The following ATG9A variants were observed in gnomAD, a reference collection of about 807,000 sequenced individuals.
The protein encoded by ATG9A is autophagy related 9A.
In ATG9A, 21 loss-of-function variants were observed where a neutral mutation model predicts 87.1. The observed-to-expected ratio is 0.24, with a 90% CI of 0.17 to 0.35. The LOEUF is 0.35. Among genes scored for constraint, ATG9A ranks in the 10% least tolerant of loss-of-function variants. The pLI, the probability that ATG9A is intolerant of heterozygous loss-of-function variation, is 1.00. For synonymous variants in ATG9A, 422 were observed against 441.3 expected (o/e 0.96, Z 0.55); for missense variants, 836 against 1,107.3 (o/e 0.76, Z 3.48).
chr2:219,220,938 G>A (rs369823219), intron 14 of ATG9A, 46 bp from the exon 15 acceptor site: 156 of 1,610,416 alleles, frequency 9.7e-5, no homozygotes, highest in Non-Finnish European at 1.3e-4. Context: ...AGGAACACAA[G>A]AATGAGGAAC....
At chr2:219,228,261 T>C (rs949902922) in intron 2 of ATG9A, among the ~76,000 whole-genome samples, 173 bp downstream of exon 2, 3 of 152,210 alleles carry the variant, frequency 2.0e-5, no homozygotes, top group South Asian at 2.1e-4. Context: ...TGTCTACTGC[T>C]GCTTTCCTGG....
In ATG9A at chr2:219,220,462, G is replaced by T; in HGVS notation, c.2515-10C>A. 6.2e-7 allele frequency: 1 copy of T among 1,613,800 alleles called. No individual in the cohort carries two copies. The highest frequency in any genetic ancestry group is 1.3e-5 in the African/African-American group (1 of 75,028). On this transcript the variant is annotated splice_polypyrimidine_tract_variant and intron_variant, in intron 15 of 15. Coordinates refer to ENST00000361242, the MANE Select transcript of ATG9A (RefSeq NM_001077198.3). ...TCAGCCTTGTCTATACCTGTGGGGAGAAAGGGTTGGTAATGGAGATAGTCT... is the reference window on the plus strand; with the variant it reads ...TCAGCCTTGTCTATACCTGTGGGGATAAAGGGTTGGTAATGGAGATAGTCT...
chr2:219,219,628 C>T lies in ATG9A; in HGVS notation c.*819G>A, dbSNP rs6436126. ...GGGCCAGAGCTCTTTTGCTGGGACG[C>T]ACACAGCCAAGGTCACCCTCCAGCC... is the stretch of plus-strand genomic sequence containing the variant. On this transcript the variant is annotated 3_prime_UTR_variant, in exon 16 of 16. Coordinates refer to ENST00000361242, the MANE Select transcript of ATG9A (RefSeq NM_001077198.3). 148,959 of 152,680 alleles carry T rather than the reference C, an allele frequency of 0.98. 72,778 individuals are homozygous for T. The highest frequency in any genetic ancestry group is 1 in the East Asian group (5,168 of 5,168). The allele number at this position is 152,680 out of a possible 1,614,324, so 9.5% of individuals were successfully genotyped here.
At chr2:219,226,089 G>A (rs960761330) in intron 5 of ATG9A, among the ~76,000 whole-genome samples, 3 of 152,132 alleles carry the variant, frequency 2.0e-5, no homozygotes, top group Admixed American at 6.5e-5. Context: ...CCATTGGAGC[G>A]TTGAGATGAT....
Position 219,220,765 on chromosome 2 carries a change from T to C in ATG9A, c.2496A>G (p.Leu832=), listed in dbSNP as rs1559242376. 1.2e-6 allele frequency: 2 copies of C among 1,613,150 alleles called. No homozygotes were observed. The highest frequency in any genetic ancestry group is 2.2e-5 in the East Asian group (1 of 44,842). The change falls in exon 15 of 16, where the codon CTA becomes CTG. Residue 832 remains leucine, a synonymous_variant. Coordinates refer to ENST00000361242, the MANE Select transcript of ATG9A (RefSeq NM_001077198.3). ...PVPEEGSEDE[L]PPQVHKV ...CCCTTACCTTGTGCACCTGAGGGGG[T>C]AGCTCATCCTCCGAGCCCTCTTCGG...
chr2:219,220,317 G>T lies in ATG9A; in HGVS notation c.*130C>A. The T allele has an allele frequency of 7.8e-7, 1 of 1,285,040 alleles. No homozygotes were observed. 79.6% of individuals were successfully genotyped at this position (1,285,040 alleles called of 1,614,324 possible). A position where few individuals can be genotyped will look rare whatever the true frequency, so the allele number is the denominator to read the frequency against. On this transcript the variant is annotated 3_prime_UTR_variant, in exon 16 of 16. Transcript: ENST00000361242. ...CAGTGTTGGCACCTCCCTTGGCCAG[G>T]CACAGACACACAAACACCACACACG... is the stretch of plus-strand genomic sequence containing the variant.
chr2:219,225,733 G>A (rs1188145874), intron 5 of ATG9A, among the ~76,000 whole-genome samples, 161 bp from the exon 6 acceptor site: 1 of 152,168 alleles, frequency 6.6e-6, no homozygotes, highest in Non-Finnish European at 1.5e-5. Context: ...CCACAGGACT[G>A]TCTCAGGCCC....
intron 15 of ATG9A, 118 bp downstream of exon 15, chr2:219,220,629 G>C: frequency 6.7e-7 from 1 of 1,496,472 alleles, no homozygotes; most frequent in Non-Finnish European, 9.1e-7. Context: ...TGTTTTGGAA[G>C]GGAGGGTACA....
chr2:219,224,900 G>T lies in ATG9A; in HGVS notation c.517-46C>A. Reference sequence around the variant, plus strand: ...GAGACAAGGTACGGAAGGTGGGGTTGTTGCCTCGACCCCTTTGCCCTATAT... The same window carrying T: ...GAGACAAGGTACGGAAGGTGGGGTTTTTGCCTCGACCCCTTTGCCCTATAT... On this transcript the variant is annotated intron_variant, in intron 7 of 15. Transcript: ENST00000361242. The surrounding 1 kb of genome is among the most constrained non-coding windows in gnomAD (Gnocchi z 7.7). 1 of 1,601,354 alleles carries T rather than the reference G, an allele frequency of 6.2e-7. No homozygotes were observed. Among genetic ancestry groups the T allele is most frequent in the Non-Finnish European group, 8.5e-7 (1 of 1,172,764 alleles).
chr2:219,225,342 A>T, intron 6 of ATG9A, 69 bp downstream of exon 6: 1 of 1,595,506 alleles, frequency 6.3e-7, no homozygotes, highest in Non-Finnish European at 8.6e-7. Context: ...GCTGCCTCAG[A>T]CTCCACTCTA....
intron 5 of ATG9A, among the ~76,000 whole-genome samples, chr2:219,226,614 G>C (rs1350552641): frequency 6.6e-6 from 1 of 152,074 alleles, no homozygotes; most frequent in African/African-American, 2.4e-5. Context: ...CTTGAACCTG[G>C]GAGGCAGAGG....
In ATG9A at chr2:219,220,316, G is replaced by A. The variant is rs1022139985; in HGVS notation, c.*131C>T. The A allele has an allele frequency of 2.4e-5, 31 of 1,284,360 alleles. 1 individual carries two copies. Among genetic ancestry groups the A allele is most frequent in the African/African-American group, 1.0e-4 (7 of 67,804 alleles). 79.6% of individuals were successfully genotyped at this position (1,284,360 alleles called of 1,614,324 possible). On this transcript the variant is annotated 3_prime_UTR_variant, in exon 16 of 16. Coordinates refer to ENST00000361242, the MANE Select transcript of ATG9A (RefSeq NM_001077198.3). ...CCAGTGTTGGCACCTCCCTTGGCCA[G>A]GCACAGACACACAAACACCACACAC...
At chr2:219,220,966 TG>T in intron 14 of ATG9A, 74 bp from the exon 15 acceptor site, 1 of 1,522,996 alleles carries the variant, frequency 6.6e-7, no homozygotes, top group Non-Finnish European at 9.1e-7. Context: ...GGGGGCTGCT[TG>T]GGGGGTGAGT....
At chr2:219,225,672 G>C in intron 5 of ATG9A, 100 bp from the exon 6 acceptor site, 1 of 1,337,496 alleles carries the variant, frequency 7.5e-7, no homozygotes, top group Non-Finnish European at 1.0e-6. Context: ...ACAAGACTGG[G>C]AACTGGAAGG....
In ATG9A at chr2:219,223,014, TC is replaced by T; in HGVS notation, c.1600-122del. 7.4e-7 allele frequency: 1 copy of T among 1,351,792 alleles called. No homozygotes were observed. Among genetic ancestry groups the T allele is most frequent in the Middle Eastern group, 2.6e-4 (1 of 3,814 alleles). The allele number at this position is 1,351,792 out of a possible 1,614,324, so 83.7% of individuals were successfully genotyped here. On this transcript the variant is annotated intron_variant, in intron 10 of 15. Transcript: ENST00000361242. This position sits in a 1 kb window ranked among gnomAD's most constrained non-coding sequence, Gnocchi z 4.7. ...GAGACCACAGTATACTGTCAATCTT[TC>T]CCAGGGCACTGGTGCCCCCCCAGAC...
Position 219,225,477 on chromosome 2 carries a change from T to C in ATG9A, c.308A>G (p.His103Arg), listed in dbSNP as rs963455086. The change falls in exon 6 of 16, where the codon CAC becomes CGC. Residue 103 changes from histidine (H) to arginine (R), a missense_variant. His to Arg is a conservative substitution (Grantham distance 29, BLOSUM62 0). This residue lies in a region of ATG9A where 512 missense variants were observed against 759.6 expected (regional missense o/e 0.67). Coordinates refer to ENST00000361242, the MANE Select transcript of ATG9A (RefSeq NM_001077198.3). ...FANKMVNHSL[H>R]PTEPVKVTLP... is the part of the protein sequence containing the mutation. Reference sequence around the variant, plus strand: ...AGTGACCTTGACGGGTTCAGTAGGGTGAAGACTGTGGTTCACCATCTTGTT... The same window carrying C: ...AGTGACCTTGACGGGTTCAGTAGGGCGAAGACTGTGGTTCACCATCTTGTT... The C allele has an allele frequency of 1.9e-6, 3 of 1,614,012 alleles. No individual in the cohort carries two copies. Among genetic ancestry groups the C allele is most frequent in the Admixed American group, 1.7e-5 (1 of 60,000 alleles).
Position 219,222,284 on chromosome 2 carries a change from A to AT in ATG9A, c.2014dup (p.Met672AsnfsTer53). The AT allele has an allele frequency of 6.2e-7, 1 of 1,613,458 alleles. No homozygotes were observed. Among genetic ancestry groups the AT allele is most frequent in the Non-Finnish European group, 8.5e-7 (1 of 1,180,028 alleles). On this transcript the variant is annotated frameshift_variant, in exon 12 of 16. Transcript: ENST00000361242. LOFTEE classifies it high-confidence loss of function. The surrounding 1 kb of genome is among the most constrained non-coding windows in gnomAD (Gnocchi z 4.3). ...CCGATTTACTCACCCAGAGCCTGTC[A>AT]TGGTGCTGTGAGCCCGGCCTGTGGG...
chr2:219,227,013 G>A (rs1950875141), intron 4 of ATG9A, 80 bp from the exon 5 acceptor site: 1 of 1,203,606 alleles, frequency 8.3e-7, no homozygotes, highest in Non-Finnish European at 1.2e-6. Context: ...TCAAGCTTAA[G>A]TCCTGGCTCT....
In ATG9A at chr2:219,220,285, G is replaced by T; in HGVS notation, c.*162C>A. The T allele has an allele frequency of 1.1e-6, 1 of 916,730 alleles. No individual in the cohort carries two copies. The highest frequency in any genetic ancestry group is 1.6e-6 in the Non-Finnish European group (1 of 611,714). 56.8% of individuals were successfully genotyped at this position (916,730 alleles called of 1,614,324 possible). On this transcript the variant is annotated 3_prime_UTR_variant, in exon 16 of 16. Coordinates refer to ENST00000361242, the MANE Select transcript of ATG9A (RefSeq NM_001077198.3). ...CCCAAATTCCTCTCCTGGGGCTGTG[G>T]CAAGCCCAGTGTTGGCACCTCCCTT...
Sources: allele counts gnomAD v4.1 joint callset (sites outside exome capture counted in the v4.1 genomes callset), GRCh38; gene constraint gnomAD v4.1.1; regional missense constraint gnomAD v4.1.1; non-coding constraint Gnocchi (gnomAD v3.1); transcripts MANE v1.5; gene names NCBI Gene and HGNC (gene_info 2026-07-23, HGNC 2026-07-21).